Variants in BOD1L1 observed in about 807,000 individuals in gnomAD.
BOD1L1 encodes the protein biorientation of chromosomes in cell division 1 like 1.
BOD1L1 carries 86 observed loss-of-function variants against 240.7 expected under a neutral mutation model. The ratio of observed to expected loss-of-function variants is 0.36; its 90% CI spans 0.30 to 0.43. BOD1L1 has a LOEUF of 0.43. Ranked by LOEUF, BOD1L1 falls within the 20% of genes least tolerant of loss-of-function variation. The probability of loss-of-function intolerance (pLI) is 1.00; values close to 1 mark genes in which losing one functional copy is unlikely to be tolerated. For synonymous variants in BOD1L1, 1,268 were observed against 1,272.3 expected (o/e 1.00, Z 0.07); for missense variants, 3,554 against 3,643.5 (o/e 0.98, Z 0.63).
rs1407381582 is a variant in BOD1L1 at position 13,603,941 on chromosome 4, CCTT to C, written c.2956_2958del (p.Lys986del). 1.2e-6 allele frequency: 2 copies of C among 1,613,778 alleles called. No individual in the cohort carries two copies. Among genetic ancestry groups the C allele is most frequent in the African/African-American group, 1.3e-5 (1 of 74,912 alleles). On this transcript the variant is annotated inframe_deletion, in exon 10 of 26. Coordinates refer to ENST00000040738, the MANE Select transcript of BOD1L1 (RefSeq NM_148894.3). ...GGTAACTTGGCTCTATGACTAGAATCCTTCTGTGTACTATGTGCTGAAGAAGAA... is the reference window on the plus strand; with the variant it reads ...GGTAACTTGGCTCTATGACTAGAATCCTGTGTACTATGTGCTGAAGAAGAA...
intron 1 of BOD1L1, among the ~76,000 whole-genome samples, chr4:13,621,189 G>A (rs751620773): frequency 6.6e-6 from 1 of 152,204 alleles, no homozygotes; most frequent in Non-Finnish European, 1.5e-5. Context: ...ATGTGACCAA[G>A]CACTCAGCAC....
At chr4:13,607,460 G>A (rs536475076) in intron 8 of BOD1L1, among the ~76,000 whole-genome samples, 2 of 152,164 alleles carry the variant, frequency 1.3e-5, no homozygotes, top group South Asian at 4.1e-4. Context: ...CACAATGCCT[G>A]GCTAATTTTG....
rs200927512 is a variant in BOD1L1, at chr4:13,601,893, T to C, written c.5007A>G (p.Arg1669=). 5.0e-6 allele frequency: 8 copies of C among 1,613,986 alleles called. No individual in the cohort carries two copies. The East Asian group carries it at 1.8e-4, about 36-fold the overall frequency. The change falls in exon 10 of 26, where the codon AGA becomes AGG. Residue 1669 remains arginine (R), a synonymous_variant. Transcript: ENST00000040738. ...SEEKCDGSLS[R]DSEIVEGTIT... Reference sequence around the variant, plus strand: ...TAGTTCCTTCAACTATTTCTGAGTCTCTACTTAAAGAACCATCACATTTTT... The same window carrying C: ...TAGTTCCTTCAACTATTTCTGAGTCCCTACTTAAAGAACCATCACATTTTT...
rs1377379889 is a variant in BOD1L1 at position 13,609,416 on chromosome 4, C to G, written c.1492-10G>C. 1 of 1,469,820 alleles carries G rather than the reference C, an allele frequency of 6.8e-7. No homozygotes were observed. Among genetic ancestry groups the G allele is most frequent in the Non-Finnish European group, 9.1e-7 (1 of 1,104,826 alleles). The allele number at this position is 1,469,820 out of a possible 1,614,324, so 91.0% of individuals were successfully genotyped here. On this transcript the variant is annotated splice_polypyrimidine_tract_variant and intron_variant, in intron 6 of 25. Transcript: ENST00000040738. ...CTTCTTTTTCTTTGGCCTAAAACCA[C>G]AAAATACCCTAACAGATTATTAGGC...
intron 17 of BOD1L1, among the ~76,000 whole-genome samples, chr4:13,585,438 G>T (rs957907147): frequency 6.6e-6 from 1 of 152,040 alleles, no homozygotes; most frequent in East Asian, 1.9e-4. Flanking sequence ...AAATTTTAGA[G>T]TACTGAGTCT....
Position 13,615,498 on chromosome 4 carries a change from C to T in BOD1L1, c.373G>A (p.Gly125Arg), listed in dbSNP as rs1463208938. Residue 125 changes from glycine (G) to arginine (R), a missense_variant, in exon 3 of 26, where the codon GGA becomes AGA. This residue lies in a region of BOD1L1 where 161 missense variants were observed against 216.4 expected (regional missense o/e 0.74). Coordinates refer to ENST00000040738, the MANE Select transcript of BOD1L1 (RefSeq NM_148894.3). ...NNIRQQVLKS[G>R]MLESGIDRII... ...CGGTCAATACCAGACTCCAACATTC[C>T]TGATCTGAAACACAAGATAATTTAT... The T allele has an allele frequency of 6.3e-7, 1 of 1,590,616 alleles. No homozygotes were observed.
chr4:13,591,831 C>T lies in BOD1L1; in HGVS notation c.8148+92G>A, dbSNP rs950041520. ...GCTACTACAGAAATACACAGGCAAC[C>T]CCTTCAGATGGCTCCTCCTCAATAG... On this transcript the variant is annotated intron_variant, in intron 13 of 25. Coordinates refer to ENST00000040738, the MANE Select transcript of BOD1L1 (RefSeq NM_148894.3). The T allele has an allele frequency of 6.5e-6, 6 of 925,206 alleles. No individual in the cohort carries two copies. In the African/African-American group the frequency reaches 8.5e-5, roughly 13 times the overall value. The allele number at this position is 925,206 out of a possible 1,614,324, so 57.3% of individuals were successfully genotyped here.
At chr4:13,617,857 C>T (rs1247892129) in intron 2 of BOD1L1, among the ~76,000 whole-genome samples, 1 of 152,148 alleles carries the variant, frequency 6.6e-6, no homozygotes, top group Non-Finnish European at 1.5e-5. Flanking sequence ...CTAGTCCACC[C>T]CTATACCTTC....
chr4:13,604,273 C>T lies in BOD1L1; in HGVS notation c.2627G>A (p.Cys876Tyr). 6.2e-7 allele frequency: 1 copy of T among 1,609,044 alleles called. No homozygotes were observed. The highest frequency in any genetic ancestry group is 8.5e-7 in the Non-Finnish European group (1 of 1,178,850). Reference sequence around the variant, plus strand: ...ATCCATGTTAGTGGAGTCCATATCACACTTATCTTCCGAATAACTTTCACT... The same window carrying T: ...ATCCATGTTAGTGGAGTCCATATCATACTTATCTTCCGAATAACTTTCACT... ...RRSESYSEDK[C>Y]DMDSTNMDSN... Residue 876 changes from cysteine (C) to tyrosine (Y), a missense_variant, in exon 10 of 26, where the codon TGT (cysteine) becomes TAT (tyrosine). By Grantham distance (194) the Cys-to-Tyr change is radical. This residue lies in a region of BOD1L1 where 3,393 missense variants were observed against 3,427.1 expected (regional missense o/e 0.99). Coordinates refer to ENST00000040738, the MANE Select transcript of BOD1L1 (RefSeq NM_148894.3).
At chr4:13,609,584 A>C (rs1046910486) in intron 6 of BOD1L1, among the ~76,000 whole-genome samples, 178 bp from the exon 7 acceptor site, 1 of 152,158 alleles carries the variant, frequency 6.6e-6, no homozygotes, top group African/African-American at 2.4e-5. Context: ...GTATACATAC[A>C]TATGTATGTG....
intron 4 of BOD1L1, 104 bp downstream of exon 4, chr4:13,614,092 G>A: frequency 9.3e-7 from 1 of 1,078,238 alleles, no homozygotes; most frequent in Non-Finnish European, 1.3e-6. Flanking sequence ...GTTTCCAAAA[G>A]TATTAAATAA....
chr4:13,581,062 A>C lies in BOD1L1; in HGVS notation c.8669-8T>G, dbSNP rs1268883079. 31 of 1,568,032 alleles carry C rather than the reference A, an allele frequency of 2.0e-5. No individual in the cohort carries two copies. Among genetic ancestry groups the C allele is most frequent in the Non-Finnish European group, 2.4e-5 (28 of 1,155,342 alleles). On this transcript the variant is annotated splice_polypyrimidine_tract_variant and splice_region_variant and intron_variant, in intron 20 of 25. Coordinates refer to ENST00000040738, the MANE Select transcript of BOD1L1 (RefSeq NM_148894.3). ...CTGTTTTGGAGTCGTCTTCTAAAAAAAAAAAATTCACTTAGAAAATCGGTT... is the reference window on the plus strand; with the variant it reads ...CTGTTTTGGAGTCGTCTTCTAAAAACAAAAAATTCACTTAGAAAATCGGTT...
rs193017950 is a variant in BOD1L1, at chr4:13,590,517, G to T, written c.8149-71C>A. ...TTTAAAGGCAAAAAGAAAGAAGAGA[G>T]AAGGTAATTTACATAACCTGGCTAT... On this transcript the variant is annotated intron_variant, in intron 13 of 25. Transcript: ENST00000040738. The T allele has an allele frequency of 3.3e-3, 2,500 of 755,236 alleles. 4 individuals carry two copies. The highest frequency in any genetic ancestry group is 4.1e-3 in the Non-Finnish European group (1,992 of 481,564). The allele number at this position is 755,236 out of a possible 1,614,324, so 46.8% of individuals were successfully genotyped here.
chr4:13,603,149 T>A lies in BOD1L1; in HGVS notation c.3751A>T (p.Arg1251Trp). 6.2e-7 allele frequency: 1 copy of A among 1,614,042 alleles called. No individual in the cohort carries two copies. The highest frequency in any genetic ancestry group is 8.5e-7 in the Non-Finnish European group (1 of 1,179,880). ...MLLSAPSEND[R>W]VQKNLKNTAA... ...GTGTTTTTCAAATTCTTCTGTACCC[T>A]ATCATTTTCTGATGGGGCACTCAGT... is the stretch of plus-strand genomic sequence containing the variant. Residue 1251 changes from arginine (R) to tryptophan (W), a missense_variant, in exon 10 of 26, where the codon AGG (arginine) becomes TGG (tryptophan). Physicochemically the swap from Arg to Trp is moderately radical, Grantham distance 101. Transcript: ENST00000040738.
Position 13,604,241 on chromosome 4 carries a change from A to G in BOD1L1, c.2659T>C (p.Leu887=), listed in dbSNP as rs1217322730. 1.2e-6 allele frequency: 2 copies of G among 1,613,660 alleles called. No individual in the cohort carries two copies. Among genetic ancestry groups the G allele is most frequent in the Non-Finnish European group, 1.7e-6 (2 of 1,179,812 alleles). ...TTGTGAACAACCTCTTCTGGTTTCA[A>G]ATTACTATCCATGTTAGTGGAGTCC... ...DMDSTNMDSN[L]KPEEVVHKEK... is the part of the protein sequence containing the mutation. The change falls in exon 10 of 26, where the codon TTG becomes CTG. Residue 887 remains leucine (L), a synonymous_variant. Coordinates refer to ENST00000040738, the MANE Select transcript of BOD1L1 (RefSeq NM_148894.3).
At chr4:13,598,140 C>T (rs1714772215) in intron 10 of BOD1L1, among the ~76,000 whole-genome samples, 1 of 152,188 alleles carries the variant, frequency 6.6e-6, no homozygotes, top group African/African-American at 2.4e-5. Context: ...TATAAAGTAT[C>T]TGAAGTTGGA....
At position 13,613,482 on chromosome 4, in the gene BOD1L1, T is replaced by G. The variant is rs1452856471; in HGVS notation, c.1324+30A>C. On this transcript the variant is annotated intron_variant, in intron 5 of 25. Transcript: ENST00000040738. This position sits in a 1 kb window ranked among gnomAD's most constrained non-coding sequence, Gnocchi z 4.0. ...TACAAATAATGCTTGACAGGATGCTTCAGAGGCATTATTATGTAAAATGCT... is the reference window on the plus strand; with the variant it reads ...TACAAATAATGCTTGACAGGATGCTGCAGAGGCATTATTATGTAAAATGCT... 1.9e-6 allele frequency: 3 copies of G among 1,597,556 alleles called. No homozygotes were observed. In the South Asian group the frequency reaches 3.4e-5, roughly 18 times the overall value.
rs1713209948 is a variant in BOD1L1 at position 13,581,251 on chromosome 4, T to A, written c.8593-44A>T. On this transcript the variant is annotated intron_variant, in intron 19 of 25. Coordinates refer to ENST00000040738, the MANE Select transcript of BOD1L1 (RefSeq NM_148894.3). ...ACAACAACAGCAATAAGAAAAAAAATTTTATCCTTTATTATATAAAGTTTT... is the reference window on the plus strand; with the variant it reads ...ACAACAACAGCAATAAGAAAAAAAAATTTATCCTTTATTATATAAAGTTTT... 6.8e-6 allele frequency: 9 copies of A among 1,321,138 alleles called. No individual in the cohort carries two copies. The East Asian group carries it at 1.3e-4, about 19-fold the overall frequency. 81.8% of individuals were successfully genotyped at this position (1,321,138 alleles called of 1,614,324 possible).
intron 25 of BOD1L1, among the ~76,000 whole-genome samples, chr4:13,573,436 C>CTGTT (rs2108874406): frequency 8.4e-6 from 1 of 119,124 alleles, no homozygotes; most frequent in African/African-American, 2.8e-5. Context: ...GTCTGTCTGT[C>CTGTT]TGTCTGTCTA....
Sources: gnomAD v4.1 joint callset for allele counts (sites outside exome capture counted in the v4.1 genomes callset) on GRCh38, gnomAD v4.1.1 for gene constraint, gnomAD v4.1.1 regional missense constraint, Gnocchi (gnomAD v3.1) non-coding constraint, MANE v1.5 for transcripts, NCBI Gene and HGNC (gene_info 2026-07-23, HGNC 2026-07-21) for gene names.